The following ERCC6L2 variants were observed in gnomAD, a reference collection of about 807,000 sequenced individuals.
The protein encoded by ERCC6L2 is DNA excision repair protein ERCC-6-like 2.
In ERCC6L2, 77 loss-of-function variants were observed where a neutral mutation model predicts 132.0. The ratio of observed to expected loss-of-function variants is 0.58; its 90% CI spans 0.49 to 0.71. The LOEUF (loss-of-function observed/expected upper bound fraction) is 0.71, where lower values mean the gene tolerates loss of function less well. Ranked by LOEUF, ERCC6L2 falls within the 30% of genes least tolerant of loss-of-function variation. The pLI is 0.00. For missense variants in ERCC6L2, 1,542 were observed against 1,837.6 expected, an observed-to-expected ratio of 0.84 and a Z score of 2.94; for synonymous variants, 583 against 632.4, an observed-to-expected ratio of 0.92 and a Z score of 1.17.
intron 5 of ERCC6L2, 34 bp downstream of exon 5, chr9:95,915,863 T>C (rs1237311561): frequency 1.4e-5 from 22 of 1,556,946 alleles, no homozygotes; most frequent in Non-Finnish European, 1.9e-5. Flanking sequence ...AATTGTTTAA[T>C]AGTTCTTCAG....
chr9:95,883,170 C>G (rs1254241589), intron 2 of ERCC6L2, among the ~76,000 whole-genome samples: 1 of 152,182 alleles, frequency 6.6e-6, no homozygotes, highest in Non-Finnish European at 1.5e-5. Context: ...GACACCAGGC[C>G]TCTCATTCAT....
At chr9:95,976,898 A>G (rs977495091) in intron 16 of ERCC6L2, among the ~76,000 whole-genome samples, 14 of 152,214 alleles carry the variant, frequency 9.2e-5, no homozygotes, top group Non-Finnish European at 4.4e-5. Context: ...GTTTGATTAT[A>G]TACAAATGAG....
chr9:95,970,634 C>T lies in ERCC6L2; in HGVS notation c.2159C>T (p.Pro720Leu). 1 of 1,303,390 alleles carries T rather than the reference C, an allele frequency of 7.7e-7. No individual in the cohort carries two copies. The highest frequency in any genetic ancestry group is 1.0e-6 in the Non-Finnish European group (1 of 988,414). The allele number at this position is 1,303,390 out of a possible 1,614,324, so 80.7% of individuals were successfully genotyped here. A position where few individuals can be genotyped will look rare whatever the true frequency, so the allele number is the denominator to read the frequency against. ...GCCACAACATGGTTGAAAGAGGGACCTCCAGCACACAAACTGGAAATGGTA... is the reference window on the plus strand; with the variant it reads ...GCCACAACATGGTTGAAAGAGGGACTTCCAGCACACAAACTGGAAATGGTA... ...MTATTWLKEGPPAHKLEMPRQ... is the reference protein window; with the variant it reads ...MTATTWLKEGLPAHKLEMPRQ... The change falls in exon 15 of 19, where the codon CCT becomes CTT. Residue 720 changes from proline (P) to leucine (L), a missense_variant. Physicochemically the swap from Pro to Leu is moderately conservative, Grantham distance 98. This residue lies in a region of ERCC6L2 where 945 missense variants were observed against 1,105.2 expected (regional missense o/e 0.86). Coordinates refer to ENST00000653738, the MANE Select transcript of ERCC6L2 (RefSeq NM_020207.7).
chr9:96,030,366 C>G (rs1019962220), intron 19 of ERCC6L2, among the ~76,000 whole-genome samples: 1 of 152,138 alleles, frequency 6.6e-6, no homozygotes, highest in Non-Finnish European at 1.5e-5. Context: ...TTCTTTCACT[C>G]TTCACAATAA....
chr9:96,009,221 C>T lies in ERCC6L2; in HGVS notation c.3675-3004C>T, dbSNP rs552579424. On this transcript the variant is annotated intron_variant, in intron 18 of 18. Transcript: ENST00000653738. ...GCCGTGGGCAGAGCGATGACAGACT[C>T]GTCAGCTTCGTTGAGTTCTAGTGGC... is the stretch of plus-strand genomic sequence containing the variant. Among the ~76,000 whole-genome samples the T allele has an allele frequency of 2.0e-5, 3 of 152,334 alleles. No individual in the cohort carries two copies. The South Asian group carries it at 6.2e-4, about 32-fold the overall frequency.
chr9:96,039,496 T>G (rs556298236), intron 20 of ERCC6L2, among the ~76,000 whole-genome samples: 1 of 149,624 alleles, frequency 6.7e-6, no homozygotes, highest in South Asian at 2.1e-4. Flanking sequence ...AGGGGGAGGG[T>G]CAGTAGAGTC....
Position 95,971,856 on chromosome 9 carries a change from A to G in ERCC6L2, c.2182-77A>G, listed in dbSNP as rs1308962952. ...ATACTTGTACCTAAATTACCTGCCCAAAGTTGAGTACTTTTCAGTTGATTC... is the reference window on the plus strand; with the variant it reads ...ATACTTGTACCTAAATTACCTGCCCGAAGTTGAGTACTTTTCAGTTGATTC... On this transcript the variant is annotated intron_variant, in intron 15 of 18. Transcript: ENST00000653738. 7.1e-6 allele frequency: 7 copies of G among 985,352 alleles called. No homozygotes were observed. The African/African-American group carries it at 8.6e-5, about 12-fold the overall frequency. 61.0% of individuals were successfully genotyped at this position (985,352 alleles called of 1,614,324 possible).
intron 17 of ERCC6L2, among the ~76,000 whole-genome samples, chr9:95,981,152 A>T (rs1313794126): frequency 6.6e-6 from 1 of 152,196 alleles, no homozygotes; most frequent in Non-Finnish European, 1.5e-5. Context: ...CTGAATTAGA[A>T]CCTTTAACTA....
intron 9 of ERCC6L2, 58 bp from the exon 10 acceptor site, chr9:95,928,021 G>C: frequency 2.7e-6 from 3 of 1,107,848 alleles, no homozygotes; most frequent in Non-Finnish European, 4.2e-6. Context: ...ATGTTTATAT[G>C]TATAAAGTGT....
intron 19 of ERCC6L2, among the ~76,000 whole-genome samples, chr9:96,031,538 C>T (rs181588887): frequency 1.1e-4 from 17 of 152,362 alleles, no homozygotes; most frequent in Non-Finnish European, 2.4e-4. Context: ...AAATAATTTC[C>T]CGGCATCAGC....
rs369124504 is a variant in ERCC6L2, at chr9:95,978,138, C to G, written c.3415C>G (p.Arg1139Gly). The G allele has an allele frequency of 1.6e-5, 22 of 1,367,170 alleles. 1 individual carries two copies. The highest frequency in any genetic ancestry group is 2.2e-5 in the Non-Finnish European group (22 of 1,021,708). 84.7% of individuals were successfully genotyped at this position (1,367,170 alleles called of 1,614,324 possible). A position where few individuals can be genotyped will look rare whatever the true frequency, so the allele number is the denominator to read the frequency against. Residue 1139 changes from arginine to glycine, a missense_variant, in exon 17 of 19, where the codon CGA becomes GGA. Physicochemically the swap from Arg to Gly is moderately radical, Grantham distance 125 (BLOSUM62 -2). This residue lies in a region of ERCC6L2 where 442 missense variants were observed against 583.4 expected (regional missense o/e 0.76). Transcript: ENST00000653738. ...GSSKAENHMS[R>G]WAAHDVFELK... ...GAGCAAAGCTGAAAATCACATGAGCCGATGGGCAGCACATGACGTATTTGA... is the reference window on the plus strand; with the variant it reads ...GAGCAAAGCTGAAAATCACATGAGCGGATGGGCAGCACATGACGTATTTGA...
At chr9:95,895,875 C>T (rs1041957375) in intron 2 of ERCC6L2, among the ~76,000 whole-genome samples, 5 of 151,932 alleles carry the variant, frequency 3.3e-5, no homozygotes, top group Non-Finnish European at 5.9e-5. Context: ...TACAGGTGCC[C>T]GCCACCGGGC....
At chr9:95,894,245 T>C (rs1828324151) in intron 2 of ERCC6L2, among the ~76,000 whole-genome samples, 1 of 152,222 alleles carries the variant, frequency 6.6e-6, no homozygotes, top group African/African-American at 2.4e-5. Flanking sequence ...ACAGTTATAC[T>C]GAATGTGTAT....
chr9:95,957,449 T>C (rs763517282), intron 13 of ERCC6L2, among the ~76,000 whole-genome samples: 1 of 150,854 alleles, frequency 6.6e-6, no homozygotes, highest in Non-Finnish European at 1.5e-5. Flanking sequence ...TACTTGAAAA[T>C]TATTTTTTTC....
intron 11 of ERCC6L2, among the ~76,000 whole-genome samples, chr9:95,932,117 C>T (rs1216132241): frequency 6.6e-6 from 1 of 150,848 alleles, no homozygotes; most frequent in Non-Finnish European, 1.5e-5. Context: ...GTGGCCCAGG[C>T]TGTATGGTGC....
chr9:95,920,197 C>G (rs1829794989), intron 6 of ERCC6L2, among the ~76,000 whole-genome samples: 1 of 152,080 alleles, frequency 6.6e-6, no homozygotes, highest in Admixed American at 6.5e-5. Flanking sequence ...GCCTGCCTCT[C>G]CTGCCTCCCT....
intron 16 of ERCC6L2, among the ~76,000 whole-genome samples, chr9:95,977,656 T>C (rs908499262): frequency 1.3e-5 from 2 of 151,908 alleles, no homozygotes; most frequent in Non-Finnish European, 2.9e-5. Flanking sequence ...AACCCCATGC[T>C]CTCATTCCAT....
At chr9:96,031,097 C>T (rs1330154933) in intron 19 of ERCC6L2, among the ~76,000 whole-genome samples, 2 of 152,196 alleles carry the variant, frequency 1.3e-5, no homozygotes, top group African/African-American at 4.8e-5. Flanking sequence ...GCATTCATGT[C>T]ACAATTTCCA....
At chr9:96,030,428 A>G (rs983825965) in intron 19 of ERCC6L2, among the ~76,000 whole-genome samples, 3 of 151,756 alleles carry the variant, frequency 2.0e-5, no homozygotes, top group African/African-American at 7.3e-5. Context: ...GAGCTGTAGT[A>G]CTCTCACGCC....
Sources: gnomAD v4.1 joint callset for allele counts (sites outside exome capture counted in the v4.1 genomes callset) on GRCh38, gnomAD v4.1.1 for gene constraint, gnomAD v4.1.1 regional missense constraint, MANE v1.5 for transcripts, NCBI Gene and HGNC (gene_info 2026-07-23, HGNC 2026-07-21) for gene names.